SORCS2: variants seen among roughly 807,000 people sequenced by gnomAD.
SORCS2 encodes VPS10 domain-containing receptor SorCS2.
SORCS2 carries 100 observed loss-of-function variants against 141.6 expected under a neutral mutation model. The ratio of observed to expected loss-of-function variants is 0.71; its 90% CI spans 0.60 to 0.83. The LOEUF (loss-of-function observed/expected upper bound fraction) is 0.83, where lower values mean the gene tolerates loss of function less well. Ranked by LOEUF, SORCS2 falls within the 40% of genes least tolerant of loss-of-function variation. The pLI is 0.00. For missense variants in SORCS2, 1,646 were observed against 1,560.2 expected (o/e 1.05, Z -0.93); for synonymous variants, 789 against 676.9 (o/e 1.17, Z -2.57).
intron 1 of SORCS2, among the ~76,000 whole-genome samples, chr4:7,368,160 C>G (rs1228348225): frequency 6.6e-6 from 1 of 152,190 alleles, no homozygotes; most frequent in African/African-American, 2.4e-5. Context: ...AATCCTGTTC[C>G]AAAACCGGGT....
chr4:7,255,516 T>C (rs888002591), intron 1 of SORCS2, among the ~76,000 whole-genome samples: 5 of 151,950 alleles, frequency 3.3e-5, no homozygotes, highest in Admixed American at 3.3e-4. Context: ...GTCCAGCCCT[T>C]CTGAGTGGAT....
At chr4:7,585,901 C>T (rs183379942) in intron 3 of SORCS2, among the ~76,000 whole-genome samples, 3 of 152,238 alleles carry the variant, frequency 2.0e-5, no homozygotes, top group Admixed American at 6.5e-5. Context: ...GAAGGGGTTG[C>T]TCTATTTGCT....
At chr4:7,379,043 C>T (rs1028642209) in intron 1 of SORCS2, among the ~76,000 whole-genome samples, 8 of 152,168 alleles carry the variant, frequency 5.3e-5, no homozygotes, top group South Asian at 4.1e-4. Flanking sequence ...GTGATTTACA[C>T]GCTGATCACG....
intron 2 of SORCS2, among the ~76,000 whole-genome samples, chr4:7,419,928 C>T (rs1725928554): frequency 6.6e-6 from 1 of 152,226 alleles, no homozygotes; most frequent in Non-Finnish European, 1.5e-5. Flanking sequence ...TAGCCAGGTG[C>T]TTCCTGGGCA....
At chr4:7,610,562 C>G (rs1213144734) in intron 3 of SORCS2, among the ~76,000 whole-genome samples, 1 of 152,188 alleles carries the variant, frequency 6.6e-6, no homozygotes, top group Non-Finnish European at 1.5e-5. Context: ...CGGGCCATAG[C>G]TGAGGTCTTT....
chr4:7,434,356 G>T (rs1016838475), intron 2 of SORCS2: 6 of 1,608,466 alleles, frequency 3.7e-6, no homozygotes, highest in Non-Finnish European at 1.7e-6. Context: ...CGCCTGGCGG[G>T]GGTGGAAGGT....
At chr4:7,521,182 C>A (rs998409330) in intron 2 of SORCS2, among the ~76,000 whole-genome samples, 1 of 152,116 alleles carries the variant, frequency 6.6e-6, no homozygotes, top group Non-Finnish European at 1.5e-5. Context: ...GCATGGTGGG[C>A]AATGATCTCG....
In SORCS2 at chr4:7,644,947, T is replaced by C. The variant is rs186487141; in HGVS notation, c.813+6455T>C. 3.9e-5 allele frequency among the ~76,000 whole-genome samples: 6 copies of C among 152,276 alleles called. No individual in the cohort carries two copies. The East Asian group carries it at 1.2e-3, about 29-fold the overall frequency. On this transcript the variant is annotated intron_variant, in intron 4 of 26. Transcript: ENST00000507866. ...GTGTTTGTCTTTTATTAAGCAGAAA[T>C]GTTCTATTTCTGCAGCAATTGATGG...
chr4:7,619,402 C>T (rs28609407), intron 3 of SORCS2, among the ~76,000 whole-genome samples: 2,948 of 152,112 alleles, frequency 0.019, 80 homozygotes, highest in African/African-American at 0.067. Flanking sequence ...AGTCTGGGAG[C>T]GTGGCTTCCC....
At chr4:7,205,518 C>G (rs894978478) in intron 1 of SORCS2, among the ~76,000 whole-genome samples, 1 of 152,172 alleles carries the variant, frequency 6.6e-6, no homozygotes, top group Non-Finnish European at 1.5e-5. Flanking sequence ...TGAGTGTAAG[C>G]CATACTTTGA....
At chr4:7,566,013 ATGGTGATGATGGTGATAATG>A (rs1483358046) in intron 3 of SORCS2, among the ~76,000 whole-genome samples, 10 of 3,210 alleles carry the variant, frequency 3.1e-3, no homozygotes, top group African/African-American at 6.9e-3. Context: ...GGTGATAATG[ATGGTGATGATGGTGATAATG>A]ATAGTGATGA....
intron 1 of SORCS2, among the ~76,000 whole-genome samples, chr4:7,370,059 T>C (rs954443973): frequency 6.6e-6 from 1 of 152,212 alleles, no homozygotes; most frequent in African/African-American, 2.4e-5. Context: ...CATGTAGGAA[T>C]GGCCTCAGTG....
At chr4:7,259,081 G>T (rs1714135563) in intron 1 of SORCS2, among the ~76,000 whole-genome samples, 1 of 152,184 alleles carries the variant, frequency 6.6e-6, no homozygotes. Flanking sequence ...TAGGTTGCCT[G>T]TTCACTCTGA....
chr4:7,669,871 T>A (rs1722696256), intron 8 of SORCS2, among the ~76,000 whole-genome samples: 1 of 152,254 alleles, frequency 6.6e-6, no homozygotes, highest in Non-Finnish European at 1.5e-5. Context: ...GTTTCTTGAA[T>A]GATGCGTGAT....
At position 7,271,069 on chromosome 4, in the gene SORCS2, C is replaced by T. The variant is rs4082663; in HGVS notation, c.480+77943C>T. ...TGACAACCACAAGCCAGCCCCCAAGCGATGAGGCTACTGTGGGAAGCTTGA... is the reference window on the plus strand; with the variant it reads ...TGACAACCACAAGCCAGCCCCCAAGTGATGAGGCTACTGTGGGAAGCTTGA... On this transcript the variant is annotated intron_variant, in intron 1 of 26. Transcript: ENST00000507866. Among the ~76,000 whole-genome samples the T allele has an allele frequency of 6.8e-3, 1,029 of 152,304 alleles. 15 individuals are homozygous for T. The highest frequency in any genetic ancestry group is 0.024 in the African/African-American group (980 of 41,554).
chr4:7,353,376 A>T (rs1721064881), intron 1 of SORCS2, among the ~76,000 whole-genome samples: 2 of 152,178 alleles, frequency 1.3e-5, no homozygotes, highest in African/African-American at 4.8e-5. Context: ...AGCTACTAGG[A>T]GCTCCTGGTT....
At chr4:7,487,521 T>G (rs1334830895) in intron 2 of SORCS2, among the ~76,000 whole-genome samples, 1 of 152,200 alleles carries the variant, frequency 6.6e-6, no homozygotes, top group Non-Finnish European at 1.5e-5. Context: ...AAATATGACA[T>G]GGAGCTCTTT....
At chr4:7,230,233 A>T (rs1329969263) in intron 1 of SORCS2, among the ~76,000 whole-genome samples, 1 of 131,374 alleles carries the variant, frequency 7.6e-6, no homozygotes, top group Non-Finnish European at 1.6e-5. Flanking sequence ...GTGCTCATGT[A>T]TGAAGGAGAT....
In SORCS2 at chr4:7,742,505, C is replaced by T. The variant is rs887688102; in HGVS notation, c.*2241C>T. The T allele has an allele frequency of 6.6e-6, 1 of 152,172 alleles. No homozygotes were observed. Among genetic ancestry groups the T allele is most frequent in the African/African-American group, 2.4e-5 (1 of 41,426 alleles). The allele number at this position is 152,172 out of a possible 1,614,324, so 9.4% of individuals were successfully genotyped here. ...TTCCCCTTAGTTATCTGTGGGTTTC[C>T]TGTATTTTATGTTAATATTTCTATT... On this transcript the variant is annotated 3_prime_UTR_variant, in exon 27 of 27. Transcript: ENST00000507866.
Sources: allele counts gnomAD v4.1 joint callset (sites outside exome capture counted in the v4.1 genomes callset), GRCh38; gene constraint gnomAD v4.1.1; transcripts MANE v1.5; gene names NCBI Gene and HGNC (gene_info 2026-07-23, HGNC 2026-07-21).